PEX26: variants seen among roughly 807,000 people sequenced by gnomAD.
PEX26 encodes the protein peroxisomal biogenesis factor 26.
Under a neutral mutation model 31.4 loss-of-function variants are expected in PEX26, and 18 were observed. The observed-to-expected ratio is 0.57, with a 90% CI of 0.40 to 0.85. The LOEUF is 0.85. Ranked by LOEUF, PEX26 falls within the 40% of genes least tolerant of loss-of-function variation. The pLI is 0.00. For synonymous variants in PEX26, 176 were observed against 166.9 expected (o/e 1.05, Z -0.42); for missense variants, 377 against 383.9 (o/e 0.98, Z 0.15).
intron 2 of PEX26, among the ~76,000 whole-genome samples, chr22:18,081,164 T>C (rs1262451656): frequency 3.4e-5 from 5 of 148,912 alleles, no homozygotes; most frequent in East Asian, 1.9e-4. Context: ...TATATATATA[T>C]ATATATATAT....
intron 2 of PEX26, 108 bp downstream of exon 2, chr22:18,080,122 C>G (rs464541): frequency 8.2e-7 from 1 of 1,212,848 alleles, no homozygotes; most frequent in Admixed American, 2.0e-5. Context: ...CCCTCCAGAT[C>G]GGATTCTTTC....
chr22:18,081,277 C>CAT (rs1556587758), intron 2 of PEX26, among the ~76,000 whole-genome samples: 2 of 142,632 alleles, frequency 1.4e-5, no homozygotes, highest in African/African-American at 2.5e-5. Flanking sequence ...CACACACACA[C>CAT]ACATTATCCA....
intron 3 of PEX26, among the ~76,000 whole-genome samples, chr22:18,084,581 A>G (rs879627694): frequency 6.6e-6 from 1 of 152,026 alleles, no homozygotes; most frequent in Non-Finnish European, 1.5e-5. Context: ...TTTTACAAAG[A>G]TGCATTCAAT....
rs17851387 is a variant in PEX26 at position 18,088,068 on chromosome 22, G to A, written c.911G>A (p.Arg304His). Residue 304 changes from arginine to histidine, a missense_variant, in exon 5 of 5, where the codon CGT (arginine) becomes CAT (histidine). Arg to His is a conservative substitution (Grantham distance 29, BLOSUM62 0). Coordinates refer to ENST00000399744, the MANE Select transcript of PEX26 (RefSeq NM_001127649.3). This position sits in a 1 kb window ranked among gnomAD's most constrained non-coding sequence, Gnocchi z 4.1. ...AFSRLYQLRI[R>H]D Reference sequence around the variant, plus strand: ...TCTCGCCTCTACCAGCTCCGCATCCGTGACTGAGGGTCCCTGCGCACCACA... The same window carrying A: ...TCTCGCCTCTACCAGCTCCGCATCCATGACTGAGGGTCCCTGCGCACCACA... The A allele has an allele frequency of 1.3e-3, 2,109 of 1,602,860 alleles. 3 individuals carry two copies. The highest frequency in any genetic ancestry group is 1.5e-3 in the Non-Finnish European group (1,743 of 1,170,942).
rs1197760441 is a variant in PEX26 at position 18,101,436 on chromosome 22, A to G, written c.*13361A>G. 1 of 153,750 alleles carries G rather than the reference A, an allele frequency of 6.5e-6. No individual in the cohort carries two copies. The highest frequency in any genetic ancestry group is 1.4e-5 in the Non-Finnish European group (1 of 69,162). The allele number at this position is 153,750 out of a possible 1,614,324, so 9.5% of individuals were successfully genotyped here. On this transcript the variant is annotated 3_prime_UTR_variant, in exon 5 of 5. Transcript: ENST00000399744. The stretch of plus-strand genomic sequence containing the variant: ...TCAGTGCAGGAAAAGACTCATGCTG[A>G]TTTTGACCTTCCTCTGACCCTTTTC...
chr22:18,082,131 A>T (rs910914525), intron 2 of PEX26, among the ~76,000 whole-genome samples: 13 of 143,330 alleles, frequency 9.1e-5, no homozygotes, highest in African/African-American at 3.5e-4. Flanking sequence ...TCAGATGGAT[A>T]GTTTGCAAAT....
At chr22:18,080,490 C>T (rs570065767) in intron 2 of PEX26, among the ~76,000 whole-genome samples, 67 of 152,140 alleles carry the variant, frequency 4.4e-4, no homozygotes, top group African/African-American at 1.4e-3. Flanking sequence ...CCACCACGCC[C>T]GGCTAATTTT....
rs1927272901 is a variant in PEX26 at position 18,095,784 on chromosome 22, G to A, written c.*7709G>A. ...CGTAAATGAGAGACATCATGGGATT[G>A]TGGTTAAGAGTGTGGGTCCCAGACC... On this transcript the variant is annotated 3_prime_UTR_variant, in exon 5 of 5. Transcript: ENST00000399744. 6.6e-6 allele frequency: 1 copy of A among 150,984 alleles called. No individual in the cohort carries two copies. The highest frequency in any genetic ancestry group is 6.6e-5 in the Admixed American group (1 of 15,156). The allele number at this position is 150,984 out of a possible 1,614,324, so 9.4% of individuals were successfully genotyped here.
At chr22:18,087,860 CAA>C in intron 4 of PEX26, 110 bp from the exon 5 acceptor site, 1 of 800,956 alleles carries the variant, frequency 1.2e-6, no homozygotes, top group South Asian at 1.3e-5. Flanking sequence ...CTAAAAAAAA[CAA>C]AACAAAACCA....
Position 18,096,184 on chromosome 22 carries a change from T to C in PEX26, c.*8109T>C, listed in dbSNP as rs1244377098. On this transcript the variant is annotated 3_prime_UTR_variant, in exon 5 of 5. Transcript: ENST00000399744. ...ATAATCTTTCCTGTGCCTCAGTTAC[T>C]TCATAGGTTTGTTGTGAGGATTAAC... 6.6e-6 allele frequency: 1 copy of C among 152,194 alleles called. No individual in the cohort carries two copies. The highest frequency in any genetic ancestry group is 1.5e-5 in the Non-Finnish European group (1 of 68,058). 9.4% of individuals were successfully genotyped at this position (152,194 alleles called of 1,614,324 possible).
chr22:18,087,879 T>C (rs1032158816), intron 4 of PEX26, 93 bp from the exon 5 acceptor site: 19 of 836,484 alleles, frequency 2.3e-5, no homozygotes, highest in Non-Finnish European at 4.0e-5. Flanking sequence ...ACCAACTATG[T>C]GTAATTGGTA....
chr22:18,095,455 C>T lies in PEX26; in HGVS notation c.*7380C>T, dbSNP rs1270225665. 4 of 152,158 alleles carry T rather than the reference C, an allele frequency of 2.6e-5. No homozygotes were observed. Among genetic ancestry groups the T allele is most frequent in the East Asian group, 1.9e-4 (1 of 5,186 alleles). 9.4% of individuals were successfully genotyped at this position (152,158 alleles called of 1,614,324 possible). A position where few individuals can be genotyped will look rare whatever the true frequency, so the allele number is the denominator to read the frequency against. Reference sequence around the variant, plus strand: ...GGGAGCTGGTAAAATTTTTTGGTCGCCCCACCAGAGACATCCTACCCATTC... The same window carrying T: ...GGGAGCTGGTAAAATTTTTTGGTCGTCCCACCAGAGACATCCTACCCATTC... On this transcript the variant is annotated 3_prime_UTR_variant, in exon 5 of 5. Coordinates refer to ENST00000399744, the MANE Select transcript of PEX26 (RefSeq NM_001127649.3).
Position 18,083,646 on chromosome 22 carries a change from A to T in PEX26, c.581A>T (p.Asp194Val). The change falls in exon 3 of 5, where the codon GAT (aspartate) becomes GTT (valine). Residue 194 changes from aspartate (D) to valine (V), a missense_variant. By Grantham distance (152) the Asp-to-Val change is radical (BLOSUM62 -3). Transcript: ENST00000399744. ...SAAFGEERRL[D>V]VLQAIHTARQ... ...GCCTTTGGTGAGGAGCGGCGACTGG[A>T]TGTACTTCAGGCCATTCACACAGCG... 8 of 1,614,058 alleles carry T rather than the reference A, an allele frequency of 5.0e-6. No individual in the cohort carries two copies. The highest frequency in any genetic ancestry group is 6.8e-6 in the Non-Finnish European group (8 of 1,180,028).
In PEX26 at chr22:18,078,070, G is replaced by A. The variant is rs957288482; in HGVS notation, c.-307G>A. 3 of 556,552 alleles carry A rather than the reference G, an allele frequency of 5.4e-6. No individual in the cohort carries two copies. The Admixed American group carries it at 6.6e-5, about 12-fold the overall frequency. 34.5% of individuals were successfully genotyped at this position (556,552 alleles called of 1,614,324 possible). A position where few individuals can be genotyped will look rare whatever the true frequency, so the allele number is the denominator to read the frequency against. On this transcript the variant is annotated 5_prime_UTR_variant, in exon 1 of 5. Coordinates refer to ENST00000399744, the MANE Select transcript of PEX26 (RefSeq NM_001127649.3). ...GAGGTGAGTCTTTGATCGTAACCAG[G>A]AGCCCGGAGCTGAGGCAGTTCCTGC...
Position 18,095,581 on chromosome 22 carries a change from T to G in PEX26, c.*7506T>G, listed in dbSNP as rs1430671423. The G allele has an allele frequency of 6.6e-6, 1 of 152,230 alleles. No individual in the cohort carries two copies. The allele number at this position is 152,230 out of a possible 1,614,324, so 9.4% of individuals were successfully genotyped here. Reference sequence around the variant, plus strand: ...ACTCCCCTTTTAGTACTTGTTTGTGTTCTGTCCTGTTCCTGGATTTCATGG... The same window carrying G: ...ACTCCCCTTTTAGTACTTGTTTGTGGTCTGTCCTGTTCCTGGATTTCATGG... On this transcript the variant is annotated 3_prime_UTR_variant, in exon 5 of 5. Coordinates refer to ENST00000399744, the MANE Select transcript of PEX26 (RefSeq NM_001127649.3).
chr22:18,088,317 A>AC lies in PEX26; in HGVS notation c.*244dup. ...CACCTCCAGAACAGTGCCCCGGATG[A>AC]CCAGAGGCCCCTTGAAAAGGAGGGG... On this transcript the variant is annotated 3_prime_UTR_variant, in exon 5 of 5. Transcript: ENST00000399744. The surrounding 1 kb of genome is among the most constrained non-coding windows in gnomAD (Gnocchi z 4.1). 1 of 637,744 alleles carries AC rather than the reference A, an allele frequency of 1.6e-6. No homozygotes were observed. Among genetic ancestry groups the AC allele is most frequent in the Non-Finnish European group, 2.9e-6 (1 of 344,660 alleles). The allele number at this position is 637,744 out of a possible 1,614,324, so 39.5% of individuals were successfully genotyped here. A position where few individuals can be genotyped will look rare whatever the true frequency, so the allele number is the denominator to read the frequency against.
At chr22:18,080,361 G>A (rs956318237) in intron 2 of PEX26, among the ~76,000 whole-genome samples, 4 of 151,412 alleles carry the variant, frequency 2.6e-5, no homozygotes, top group Non-Finnish European at 5.9e-5. Context: ...ACGGAGTCTC[G>A]CCCTGTCGCC....
At chr22:18,080,054 C>A in intron 2 of PEX26, 40 bp downstream of exon 2, 3 of 1,610,150 alleles carry the variant, frequency 1.9e-6, no homozygotes, top group Non-Finnish European at 2.5e-6. Flanking sequence ...GGTTCAGAAA[C>A]GAGAGGATTT....
rs1290894137 is a variant in PEX26 at position 18,096,420 on chromosome 22, A to AT, written c.*8361dup. ...AACTAGGCTTTGCAAATGGCTCTGA[A>AT]TTTTTTTTTTTTTTTTGAGATGGAG... On this transcript the variant is annotated 3_prime_UTR_variant, in exon 5 of 5. Coordinates refer to ENST00000399744, the MANE Select transcript of PEX26 (RefSeq NM_001127649.3). 0.05 allele frequency: 7,138 copies of AT among 142,300 alleles called. 510 individuals carry two copies. The highest frequency in any genetic ancestry group is 0.16 in the African/African-American group (6,363 of 38,858). 8.8% of individuals were successfully genotyped at this position (142,300 alleles called of 1,614,324 possible).
Sources: gnomAD v4.1 joint callset for allele counts (sites outside exome capture counted in the v4.1 genomes callset) on GRCh38, gnomAD v4.1.1 for gene constraint, Gnocchi (gnomAD v3.1) non-coding constraint, MANE v1.5 for transcripts, NCBI Gene and HGNC (gene_info 2026-07-23, HGNC 2026-07-21) for gene names.